LRRTM4: variants seen among roughly 807,000 people sequenced by gnomAD.
LRRTM4 encodes leucine rich repeat transmembrane neuronal 4.
LRRTM4 carries 25 observed loss-of-function variants against 47.6 expected under a neutral mutation model. The ratio of observed to expected loss-of-function variants is 0.53; its 90% CI spans 0.38 to 0.73. LRRTM4 has a LOEUF of 0.73. Ranked by LOEUF, LRRTM4 falls within the 30% of genes least tolerant of loss-of-function variation. The pLI, the probability that LRRTM4 is intolerant of heterozygous loss-of-function variation, is 0.00. For missense variants in LRRTM4, 638 were observed against 713.4 expected (o/e 0.89, Z 1.20); for synonymous variants, 311 against 269.5 (o/e 1.15, Z -1.51).
intron 3 of LRRTM4, among the ~76,000 whole-genome samples, chr2:77,133,170 T>G (rs1412049694): frequency 6.6e-6 from 1 of 152,148 alleles, no homozygotes; most frequent in Non-Finnish European, 1.5e-5. Flanking sequence ...TTGAGTTTTA[T>G]TTGTTTAGAA....
At chr2:77,291,399 C>T (rs1464089420) in intron 3 of LRRTM4, among the ~76,000 whole-genome samples, 1 of 151,950 alleles carries the variant, frequency 6.6e-6, no homozygotes, top group Non-Finnish European at 1.5e-5. Context: ...CAAATTCTGC[C>T]ATGTGTATTT....
At chr2:77,211,992 G>A (rs1425326350) in intron 3 of LRRTM4, among the ~76,000 whole-genome samples, 1 of 151,968 alleles carries the variant, frequency 6.6e-6, no homozygotes. Flanking sequence ...AGTAATATGT[G>A]TGTTAGTCCC....
chr2:76,852,442 C>T (rs564208857), intron 3 of LRRTM4, among the ~76,000 whole-genome samples: 89 of 152,148 alleles, frequency 5.8e-4, no homozygotes, highest in Non-Finnish European at 1.1e-3. Context: ...CAATCCCCAT[C>T]AGTAACTGTA....
At chr2:77,295,524 T>C (rs1676947438) in intron 3 of LRRTM4, among the ~76,000 whole-genome samples, 1 of 152,178 alleles carries the variant, frequency 6.6e-6, no homozygotes, top group South Asian at 2.1e-4. Flanking sequence ...ATGACCATCA[T>C]TGCATTAGTT....
At chr2:77,039,913 T>C (rs1678967358) in intron 3 of LRRTM4, among the ~76,000 whole-genome samples, 1 of 151,110 alleles carries the variant, frequency 6.6e-6, no homozygotes, top group African/African-American at 2.4e-5. Context: ...TTAGTTAATA[T>C]TAATAAAATA....
chr2:76,832,421 T>G (rs1671380127), intron 3 of LRRTM4, among the ~76,000 whole-genome samples: 1 of 151,486 alleles, frequency 6.6e-6, no homozygotes, highest in Non-Finnish European at 1.5e-5. Flanking sequence ...AAGTCTATTT[T>G]CTAACACACA....
At chr2:77,312,251 C>A (rs945008637) in intron 3 of LRRTM4, among the ~76,000 whole-genome samples, 1 of 150,324 alleles carries the variant, frequency 6.7e-6, no homozygotes, top group Non-Finnish European at 1.5e-5. Flanking sequence ...TCACTTAAAT[C>A]TTTCTAATGA....
Position 76,748,660 on chromosome 2 carries a change from C to T in LRRTM4, c.*35G>A, listed in dbSNP as rs150413754. ...TTAAGATGAAGGCCCTCCCTCCCCC[C>T]CATGGAGCTCCCCAGTGAGGAGTTG... On this transcript the variant is annotated 3_prime_UTR_variant, in exon 4 of 4. Transcript: ENST00000409884. 6.6e-5 allele frequency: 96 copies of T among 1,446,352 alleles called. No individual in the cohort carries two copies. The Middle Eastern group carries it at 8.8e-4, about 13-fold the overall frequency. The allele number at this position is 1,446,352 out of a possible 1,614,324, so 89.6% of individuals were successfully genotyped here.
At chr2:77,432,653 A>G (rs531844904) in intron 3 of LRRTM4, among the ~76,000 whole-genome samples, 2 of 152,352 alleles carry the variant, frequency 1.3e-5, no homozygotes, top group Admixed American at 6.5e-5. Context: ...AAGTATACAT[A>G]CATGTATTCA....
intron 3 of LRRTM4, among the ~76,000 whole-genome samples, chr2:77,104,103 ACAC>A (rs1671031358): frequency 2.0e-5 from 3 of 152,140 alleles, no homozygotes; most frequent in Non-Finnish European, 1.5e-5. Flanking sequence ...ATCTTAGTTC[ACAC>A]CACCTTCCTT....
intron 3 of LRRTM4, among the ~76,000 whole-genome samples, chr2:77,163,516 C>A (rs947289760): frequency 6.6e-6 from 1 of 151,992 alleles, no homozygotes; most frequent in Admixed American, 6.6e-5. Flanking sequence ...CTCCAAGACA[C>A]GTAATTGTCA....
intron 3 of LRRTM4, among the ~76,000 whole-genome samples, chr2:77,285,570 C>T (rs1417511848): frequency 2.6e-5 from 4 of 151,472 alleles, no homozygotes; most frequent in African/African-American, 4.8e-5. Context: ...GGTGAAACCC[C>T]GTCTCTACCC....
intron 3 of LRRTM4, among the ~76,000 whole-genome samples, chr2:76,761,899 C>A (rs1396840972): frequency 2.0e-5 from 3 of 152,166 alleles, no homozygotes; most frequent in Non-Finnish European, 4.4e-5. Flanking sequence ...TGTAGGGGGA[C>A]TACAAAAGGA....
Position 77,055,695 on chromosome 2 carries a change from T to C in LRRTM4, c.1552-306779A>G, listed in dbSNP as rs1679580335. 3.3e-5 allele frequency among the ~76,000 whole-genome samples: 5 copies of C among 151,968 alleles called. No homozygotes were observed. In the South Asian group the frequency reaches 1.0e-3, roughly 32 times the overall value. ...CCCAGCCATCCCATTACTGGGTATA[T>C]ACCCAAAGGACTATAAATCATGCTG... On this transcript the variant is annotated intron_variant, in intron 3 of 3. Coordinates refer to ENST00000409884, the MANE Select transcript of LRRTM4 (RefSeq NM_001134745.3).
chr2:76,887,563 G>C (rs1288083753), intron 3 of LRRTM4, among the ~76,000 whole-genome samples: 1 of 144,476 alleles, frequency 6.9e-6, no homozygotes, highest in East Asian at 2.0e-4. Flanking sequence ...TTTGACATAT[G>C]TGCAAATATG....
intron 3 of LRRTM4, among the ~76,000 whole-genome samples, chr2:77,484,319 CT>C (rs1022402834): frequency 2.0e-5 from 3 of 151,578 alleles, no homozygotes; most frequent in South Asian, 2.1e-4. Context: ...ATATGTTCTC[CT>C]TTTTTTTTCC....
intron 3 of LRRTM4, among the ~76,000 whole-genome samples, chr2:77,245,019 T>C (rs1336069418): frequency 6.6e-6 from 1 of 152,116 alleles, no homozygotes; most frequent in Admixed American, 6.6e-5. Context: ...AAGCCCACAT[T>C]CCTGACCCAC....
intron 3 of LRRTM4, among the ~76,000 whole-genome samples, chr2:77,054,936 CCAAA>C (rs998681350): frequency 1.1e-4 from 17 of 152,118 alleles, no homozygotes; most frequent in East Asian, 1.9e-4. Context: ...AACCTTTTCC[CCAAA>C]CAATTTATTA....
chr2:77,189,528 A>G (rs1336195047), intron 3 of LRRTM4, among the ~76,000 whole-genome samples: 3 of 152,140 alleles, frequency 2.0e-5, no homozygotes, highest in Non-Finnish European at 4.4e-5. Flanking sequence ...CTTATAAAAG[A>G]AACTCCAGAG....
Sources: gnomAD v4.1 joint callset for allele counts (sites outside exome capture counted in the v4.1 genomes callset) on GRCh38, gnomAD v4.1.1 for gene constraint, MANE v1.5 for transcripts, NCBI Gene and HGNC (gene_info 2026-07-23, HGNC 2026-07-21) for gene names.